DIS3L2: variants seen among roughly 807,000 people sequenced by gnomAD.
The protein encoded by DIS3L2 is DIS3 like 3'-5' exoribonuclease 2, also known as DIS3-like exonuclease 2.
A neutral mutation model predicts 97.5 loss-of-function variants in DIS3L2; 34 were observed. The observed-to-expected ratio is 0.35, with a 90% CI of 0.27 to 0.46. DIS3L2 has a LOEUF of 0.46. Among genes scored for constraint, DIS3L2 ranks in the 20% least tolerant of loss-of-function variants. DIS3L2 has a pLI of 1.00. For missense variants in DIS3L2, 1,038 were observed against 1,146.0 expected, an observed-to-expected ratio of 0.91 and a Z score of 1.36; for synonymous variants, 435 against 445.2, an observed-to-expected ratio of 0.98 and a Z score of 0.29.
chr2:232,055,845 G>A (rs1695533325), intron 5 of DIS3L2, among the ~76,000 whole-genome samples: 1 of 152,168 alleles, frequency 6.6e-6, no homozygotes. Flanking sequence ...ATGATAAAGG[G>A]AACAGTGCAC....
intron 13 of DIS3L2, among the ~76,000 whole-genome samples, chr2:232,297,781 C>T (rs1179958367): frequency 3.3e-5 from 5 of 149,464 alleles, no homozygotes; most frequent in Non-Finnish European, 1.5e-5. Context: ...GGGCTCACTG[C>T]AACCTCCACC....
chr2:232,108,040 G>A (rs373804671), intron 6 of DIS3L2, among the ~76,000 whole-genome samples: 1 of 152,210 alleles, frequency 6.6e-6, no homozygotes, highest in Non-Finnish European at 1.5e-5. Context: ...TATGAGTCCA[G>A]CATCAACGTG....
rs147460420 is a variant in DIS3L2 at position 232,217,345 on chromosome 2, C to T, written c.1204+6940C>T. Among the ~76,000 whole-genome samples, 26 of 152,348 alleles carry T rather than the reference C, an allele frequency of 1.7e-4. No homozygotes were observed. In the East Asian group the frequency reaches 3.3e-3, roughly 19 times the overall value. The stretch of plus-strand genomic sequence containing the variant: ...TCCCCTGCTGCCACCCTGCAACAAT[C>T]AACACAGAAGACTGCTATGACCAAA... On this transcript the variant is annotated intron_variant, in intron 10 of 20. Coordinates refer to ENST00000325385, the MANE Select transcript of DIS3L2 (RefSeq NM_152383.5).
intron 12 of DIS3L2, among the ~76,000 whole-genome samples, chr2:232,258,843 AC>A (rs1219656196): frequency 1.3e-5 from 2 of 150,936 alleles, no homozygotes; most frequent in Admixed American, 6.6e-5. Flanking sequence ...TATTCCGAGG[AC>A]CCCCTCCATT....
intron 13 of DIS3L2, among the ~76,000 whole-genome samples, chr2:232,291,631 A>G (rs992780565): frequency 6.6e-6 from 1 of 152,216 alleles, no homozygotes; most frequent in Non-Finnish European, 1.5e-5. Context: ...AACTGGAGCA[A>G]TCCTGGCCAA....
intron 16 of DIS3L2, 86 bp from the exon 17 acceptor site, chr2:232,333,754 A>ACGAAAGAAC: frequency 8.1e-6 from 12 of 1,486,972 alleles, no homozygotes; most frequent in Admixed American, 4.6e-5. Context: ...ATCGCTGCCG[A>ACGAAAGAAC]CGGTGAGGCT....
chr2:232,190,397 G>A (rs1292740918), intron 9 of DIS3L2, among the ~76,000 whole-genome samples: 1 of 152,146 alleles, frequency 6.6e-6, no homozygotes, highest in African/African-American at 2.4e-5. Flanking sequence ...CTCTCAGTTG[G>A]GGGATATGCC....
chr2:232,254,262 G>A (rs1255253263), intron 12 of DIS3L2, among the ~76,000 whole-genome samples: 1 of 151,680 alleles, frequency 6.6e-6, no homozygotes, highest in Non-Finnish European at 1.5e-5. Context: ...TAAAAAAAAA[G>A]CACCCTTTTA....
Position 232,334,494 on chromosome 2 carries a change from G to A in DIS3L2, c.2284G>A (p.Val762Ile). 2.5e-6 allele frequency: 4 copies of A among 1,613,806 alleles called. No homozygotes were observed. Among genetic ancestry groups the A allele is most frequent in the Non-Finnish European group, 3.4e-6 (4 of 1,179,964 alleles). Residue 762 changes from valine to isoleucine, a missense_variant, in exon 18 of 21, where the codon GTC (valine) becomes ATC (isoleucine). Transcript: ENST00000325385. Reference protein sequence around the residue: ...LSTSLFFAVLVKESGPLESEA... With the variant: ...LSTSLFFAVLIKESGPLESEA... ...TACCAGTCTCTTCTTTGCTGTTCTG[G>A]TCAAGGTGAGCCCTCCAGCCTGGTG...
At chr2:232,278,871 A>G (rs901120639) in intron 13 of DIS3L2, among the ~76,000 whole-genome samples, 2 of 152,214 alleles carry the variant, frequency 1.3e-5, no homozygotes, top group African/African-American at 4.8e-5. Flanking sequence ...TTAACTTCAT[A>G]AAGAACTTCC....
chr2:232,237,506 A>G (rs1395150128), intron 10 of DIS3L2, among the ~76,000 whole-genome samples: 1 of 152,224 alleles, frequency 6.6e-6, no homozygotes, highest in Non-Finnish European at 1.5e-5. Context: ...AGTGAACATT[A>G]CACAAAAGGC....
At chr2:231,985,367 G>A (rs1693381754) in intron 1 of DIS3L2, among the ~76,000 whole-genome samples, 1 of 152,170 alleles carries the variant, frequency 6.6e-6, no homozygotes, top group South Asian at 2.1e-4. Flanking sequence ...TTTATTCAGT[G>A]TAATTCCTTT....
At position 232,281,347 on chromosome 2, in the gene DIS3L2, C is replaced by T. The variant is rs762415963; in HGVS notation, c.1659+17907C>T. 1.4e-4 allele frequency among the ~76,000 whole-genome samples: 22 copies of T among 152,190 alleles called. No individual in the cohort carries two copies. The highest frequency in any genetic ancestry group is 5.1e-4 in the African/African-American group (21 of 41,510). Reference sequence around the variant, plus strand: ...CCGGGAGGCGGAGCTTGCAGTGAGCCGAGATGGCGCCACTGCACTTCAGCC... The same window carrying T: ...CCGGGAGGCGGAGCTTGCAGTGAGCTGAGATGGCGCCACTGCACTTCAGCC... On this transcript the variant is annotated intron_variant, in intron 13 of 20. Transcript: ENST00000325385. The surrounding 1 kb of genome is among the most constrained non-coding windows in gnomAD (Gnocchi z 4.1).
Position 232,276,434 on chromosome 2 carries a change from A to G in DIS3L2, c.1659+12994A>G, listed in dbSNP as rs1003023731. The stretch of plus-strand genomic sequence containing the variant: ...TCACCTCGAGGGGAGCAGAGCTCCT[A>G]TCTTTCCTGGACCCTCCTGGCTGCC... On this transcript the variant is annotated intron_variant, in intron 13 of 20. Transcript: ENST00000325385. The surrounding 1 kb of genome is among the most constrained non-coding windows in gnomAD (Gnocchi z 4.4). Among the ~76,000 whole-genome samples the G allele has an allele frequency of 6.0e-5, 9 of 151,016 alleles. No homozygotes were observed. The highest frequency in any genetic ancestry group is 1.9e-4 in the African/African-American group (8 of 41,360).
chr2:232,126,149 T>C (rs1339614466), intron 6 of DIS3L2, among the ~76,000 whole-genome samples: 1 of 152,224 alleles, frequency 6.6e-6, no homozygotes, highest in Admixed American at 6.5e-5. Context: ...TGTCTCTTCA[T>C]TCCAGGGTTC....
chr2:232,191,755 A>G (rs1259025288), intron 9 of DIS3L2, among the ~76,000 whole-genome samples: 1 of 152,214 alleles, frequency 6.6e-6, no homozygotes, highest in East Asian at 1.9e-4. Context: ...GTGATTGTTT[A>G]AACAGTTCTG....
intron 13 of DIS3L2, among the ~76,000 whole-genome samples, chr2:232,277,988 TTG>T (rs201905011): frequency 0.083 from 12,613 of 152,170 alleles, 671 homozygotes; most frequent in African/African-American, 0.15. Context: ...GGGCCCATCG[TTG>T]GCCAAAACTT....
intron 14 of DIS3L2, among the ~76,000 whole-genome samples, chr2:232,324,541 C>CT (rs1265081710): frequency 6.6e-6 from 1 of 152,160 alleles, no homozygotes; most frequent in Non-Finnish European, 1.5e-5. Flanking sequence ...AGGCCACTCT[C>CT]TGAGTGTCCT....
At chr2:232,311,548 G>A (rs1007694350) in intron 14 of DIS3L2, among the ~76,000 whole-genome samples, 1 of 152,014 alleles carries the variant, frequency 6.6e-6, no homozygotes, top group Admixed American at 6.6e-5. Context: ...GCAGTGTAAC[G>A]ACAATTAACA....
Sources: gnomAD v4.1 joint callset for allele counts (sites outside exome capture counted in the v4.1 genomes callset) on GRCh38, gnomAD v4.1.1 for gene constraint, Gnocchi (gnomAD v3.1) non-coding constraint, MANE v1.5 for transcripts, NCBI Gene and HGNC (gene_info 2026-07-23, HGNC 2026-07-21) for gene names.